The following LCN12 variants were observed in gnomAD, a reference collection of about 807,000 sequenced individuals.
LCN12 encodes epididymal-specific lipocalin-12.
LCN12 carries 15 observed loss-of-function variants against 23.7 expected under a neutral mutation model. The observed-to-expected ratio is 0.63, with a 90% CI of 0.42 to 0.97. The LOEUF (loss-of-function observed/expected upper bound fraction) is 0.97. Ranked by LOEUF, LCN12 falls within the 50% of genes least tolerant of loss-of-function variation. The pLI is 0.00. For missense variants in LCN12, 219 were observed against 249.6 expected, an observed-to-expected ratio of 0.88 and a Z score of 0.83; for synonymous variants, 116 against 111.5, an observed-to-expected ratio of 1.04 and a Z score of -0.25.
At chr9:136,955,584 C>T (rs972903338), downstream of LCN12, 1 of 571,738 alleles carries the variant, frequency 1.7e-6, no homozygotes, top group Non-Finnish European at 3.0e-6. Context: ...GCAACAGCTC[C>T]TTCTCTGGGC....
In LCN12 at chr9:136,952,378, G is replaced by T; in HGVS notation, c.51G>T (p.Leu17=). ...LWLWLSLLKV[L]QAQTPTPLPL... is the part of the protein sequence containing the mutation. ...TGTGGCTCTCCTTGCTGAAAGTCCT[G>T]CAGGCCCAGACCCCAACCCCCCTGC... The change falls in exon 1 of 6, where the codon CTG becomes CTT. Residue 17 remains leucine, a synonymous_variant. Transcript: ENST00000371633. The T allele has an allele frequency of 6.2e-7, 1 of 1,612,212 alleles. No homozygotes were observed.
chr9:136,953,713 G>T lies in LCN12; in HGVS notation c.265G>T (p.Asp89Tyr). Reference sequence around the variant, plus strand: ...CCCCTCCTACAGAGGCCAGCACTGTGACACATGGTCTTATGTGCTGATACC... The same window carrying T: ...CCCCTCCTACAGAGGCCAGCACTGTTACACATGGTCTTATGTGCTGATACC... ...WNAMTRGQHC[D>Y]TWSYVLIPAA... Residue 89 changes from aspartate (D) to tyrosine (Y), a missense_variant, in exon 3 of 6, where the codon GAC becomes TAC. Coordinates refer to ENST00000371633, the MANE Select transcript of LCN12 (RefSeq NM_178536.4). The T allele has an allele frequency of 6.3e-7, 1 of 1,597,000 alleles. No individual in the cohort carries two copies. Among genetic ancestry groups the T allele is most frequent in the South Asian group, 1.1e-5 (1 of 87,882 alleles).
chr9:136,952,840 GCCCACT>G, intron 1 of LCN12, 46 bp from the exon 2 acceptor site: 9 of 1,586,240 alleles, frequency 5.7e-6, no homozygotes, highest in Non-Finnish European at 7.7e-6. Flanking sequence ...TCCTGACCCT[GCCCACT>G]GCCACCCCTG....
At chr9:136,951,723 C>T (rs934794047), upstream of LCN12, among the ~76,000 whole-genome samples, 4 of 152,244 alleles carry the variant, frequency 2.6e-5, no homozygotes, top group East Asian at 5.8e-4. Context: ...CTCGCCTGCT[C>T]GGGCCACCTC....
chr9:136,953,361 CTTT>C, intron 2 of LCN12: 1 of 94,002 alleles, frequency 1.1e-5, no homozygotes, highest in South Asian at 1.3e-4. Context: ...AATCCTAGCA[CTTT>C]GGGGGCCGGG....
intron 1 of LCN12, 49 bp downstream of exon 1, chr9:136,952,490 A>C: frequency 7.5e-7 from 1 of 1,329,384 alleles, no homozygotes; most frequent in East Asian, 2.4e-5. Context: ...GTCTGAGTGC[A>C]GGGAGAGGCT....
upstream of LCN12, among the ~76,000 whole-genome samples, chr9:136,950,260 C>T (rs911448625): frequency 6.6e-6 from 1 of 152,164 alleles, no homozygotes; most frequent in Non-Finnish European, 1.5e-5. Flanking sequence ...CTGCAGGGGA[C>T]GTGGGGGGCA....
chr9:136,953,059 G>T (rs758161249), intron 2 of LCN12, 31 bp downstream of exon 2: 53 of 1,611,010 alleles, frequency 3.3e-5, no homozygotes, highest in Non-Finnish European at 4.3e-5. Context: ...TTCCAAGCGG[G>T]TGAGGAGGAT....
At chr9:136,955,253 C>G in intron 5 of LCN12, 118 bp from the exon 6 acceptor site, 1 of 1,502,356 alleles carries the variant, frequency 6.7e-7, no homozygotes, top group Non-Finnish European at 8.9e-7. Context: ...TCCCCTTTCT[C>G]CCTCCTGCTT....
At chr9:136,955,334 C>T (rs931517852) in intron 5 of LCN12, 37 bp from the exon 6 acceptor site, 1 of 1,608,222 alleles carries the variant, frequency 6.2e-7, no homozygotes, top group East Asian at 2.2e-5. Flanking sequence ...CCCTGCTCCC[C>T]CTTTGTCCTC....
At chr9:136,954,081 T>A (rs1851249737) in intron 4 of LCN12, 73 bp from the exon 5 acceptor site, 3 of 1,519,776 alleles carry the variant, frequency 2.0e-6, no homozygotes, top group Non-Finnish European at 2.7e-6. Flanking sequence ...TACAGATAGT[T>A]CAATCTCCCA....
rs769723354 is a variant in LCN12, at chr9:136,952,317, C to A, written c.-11C>A. ...CTTCTCTCTGTCCCTGTGGGCCCAGCAGCTGCCAGGATGAGGCTGCTGTGT... is the reference window on the plus strand; with the variant it reads ...CTTCTCTCTGTCCCTGTGGGCCCAGAAGCTGCCAGGATGAGGCTGCTGTGT... On this transcript the variant is annotated 5_prime_UTR_variant, in exon 1 of 6. Coordinates refer to ENST00000371633, the MANE Select transcript of LCN12 (RefSeq NM_178536.4). The A allele has an allele frequency of 6.3e-7, 1 of 1,594,994 alleles. No homozygotes were observed. The highest frequency in any genetic ancestry group is 8.6e-7 in the Non-Finnish European group (1 of 1,166,776).
Position 136,953,722 on chromosome 9 carries a change from T to C in LCN12, c.274T>C (p.Ser92Pro), listed in dbSNP as rs777575757. ...MTRGQHCDTW[S>P]YVLIPAAQPG... ...CAGAGGCCAGCACTGTGACACATGG[T>C]CTTATGTGCTGATACCGGCAGCCCA... Residue 92 changes from serine (S) to proline (P), a missense_variant, in exon 3 of 6, where the codon TCT becomes CCT. Transcript: ENST00000371633. 1 of 1,600,922 alleles carries C rather than the reference T, an allele frequency of 6.2e-7. No homozygotes were observed. Among genetic ancestry groups the C allele is most frequent in the South Asian group, 1.1e-5 (1 of 88,450 alleles).
chr9:136,952,847 G>C, intron 1 of LCN12, 45 bp from the exon 2 acceptor site: 41 of 1,589,822 alleles, frequency 2.6e-5, no homozygotes, highest in Non-Finnish European at 3.3e-5. Flanking sequence ...CCTGCCCACT[G>C]CCACCCCTGC....
At chr9:136,954,067 G>A in intron 4 of LCN12, 87 bp from the exon 5 acceptor site, 3 of 1,532,106 alleles carry the variant, frequency 2.0e-6, no homozygotes, top group East Asian at 4.7e-5. Context: ...GAGTGACTTG[G>A]GGGTACAGAT....
chr9:136,954,631 G>C, intron 5 of LCN12: 1 of 990,528 alleles, frequency 1.0e-6, no homozygotes, highest in South Asian at 1.3e-5. Context: ...CAGGTCCCCT[G>C]TCCCGGGCCA....
At chr9:136,955,177 G>T in intron 5 of LCN12, 194 bp from the exon 6 acceptor site, 1 of 1,418,700 alleles carries the variant, frequency 7.0e-7, no homozygotes, top group East Asian at 2.6e-5. Context: ...GAGCCGCTGT[G>T]GGCCACATCT....
downstream of LCN12, chr9:136,955,527 G>C: frequency 5.8e-6 from 6 of 1,037,582 alleles, no homozygotes; most frequent in South Asian, 9.5e-5. Context: ...ATGACCTTGG[G>C]TTGGGCAAAG....
upstream of LCN12, chr9:136,951,373 C>T (rs895754329): frequency 6.6e-6 from 1 of 152,352 alleles, no homozygotes; most frequent in African/African-American, 2.4e-5. Context: ...CCCACCTCAG[C>T]CTCTCAAGTA....
Sources: gnomAD v4.1 joint callset for allele counts (sites outside exome capture counted in the v4.1 genomes callset) on GRCh38, gnomAD v4.1.1 for gene constraint, MANE v1.5 for transcripts, NCBI Gene and HGNC (gene_info 2026-07-23, HGNC 2026-07-21) for gene names.